Variants in TRIM15 observed in about 807,000 individuals in gnomAD.
The protein encoded by TRIM15 is tripartite motif containing 15, also known as E3 ubiquitin-protein ligase TRIM15.
A neutral mutation model predicts 35.8 loss-of-function variants in TRIM15; 35 were observed. That is an observed-to-expected ratio of 0.98 (90% CI 0.75 to 1.30). The LOEUF is 1.30. TRIM15 is among the 50% of genes most tolerant of loss of function. The pLI is 0.00. For synonymous variants in TRIM15, 252 were observed against 249.8 expected (o/e 1.01, Z -0.08); for missense variants, 590 against 593.5 (o/e 0.99, Z 0.06).
In TRIM15 at chr6:30,172,171, C is replaced by G. The variant is rs779780664; in HGVS notation, c.1220C>G (p.Pro407Arg). 5.1e-5 allele frequency: 81 copies of G among 1,602,478 alleles called. No individual in the cohort carries two copies. The highest frequency in any genetic ancestry group is 6.1e-5 in the Non-Finnish European group (72 of 1,175,144). ...AGCACCTCCCCGGGCACCGACCTGC[C>G]GCTGAGCGAGATCCCGCGCGGCGTG... ...WASTSPGTDL[P>R]LSEIPRGVRV... Residue 407 changes from proline to arginine, a missense_variant, in exon 7 of 7, where the codon CCG (proline) becomes CGG (arginine). Pro to Arg is a moderately radical substitution (Grantham distance 103). Coordinates refer to ENST00000376694, the MANE Select transcript of TRIM15 (RefSeq NM_033229.3).
chr6:30,164,089 G>A (rs1372023411), intron 1 of TRIM15, 24 bp downstream of exon 1: 1 of 1,593,864 alleles, frequency 6.3e-7, no homozygotes, highest in Admixed American at 1.7e-5. Flanking sequence ...CTTTACCTAG[G>A]GCCTGTTTGG....
At position 30,167,067 on chromosome 6, in the gene TRIM15, ACCTTTGAACCC is replaced by A. The variant is rs890959306; in HGVS notation, c.382-107_382-97del. The A allele has an allele frequency of 3.0e-4, 281 of 925,602 alleles. 19 individuals are homozygous for A. The highest frequency in any genetic ancestry group is 1.4e-3 in the East Asian group (58 of 40,960). 57.3% of individuals were successfully genotyped at this position (925,602 alleles called of 1,614,324 possible). A position where few individuals can be genotyped will look rare whatever the true frequency, so the allele number is the denominator to read the frequency against. On this transcript the variant is annotated intron_variant, in intron 1 of 6. Coordinates refer to ENST00000376694, the MANE Select transcript of TRIM15 (RefSeq NM_033229.3). ...TTAGGGCAAGGACTGGGCCTTTTCC[ACCTTTGAACCC>A]CTCAGCACTCAACAGTGTGCCCAGG...
At chr6:30,170,411 A>G (rs1169291738) in intron 4 of TRIM15, 90 bp from the exon 5 acceptor site, 1 of 747,484 alleles carries the variant, frequency 1.3e-6, no homozygotes, top group Non-Finnish European at 2.3e-6. Context: ...CGCCAAGATC[A>G]TTCTTTAGTC....
Position 30,172,423 on chromosome 6 carries a change from C to T in TRIM15, c.*74C>T. 3.9e-6 allele frequency: 6 copies of T among 1,525,330 alleles called. No homozygotes were observed. The highest frequency in any genetic ancestry group is 4.4e-6 in the Non-Finnish European group (5 of 1,141,746). The allele number at this position is 1,525,330 out of a possible 1,614,324, so 94.5% of individuals were successfully genotyped here. ...TCCAGCTCCGCCCCTGGCCAGTGTG[C>T]GGCCCGGGGGCTCCCTGTGCCCGCG... is the stretch of plus-strand genomic sequence containing the variant. On this transcript the variant is annotated 3_prime_UTR_variant, in exon 7 of 7. Coordinates refer to ENST00000376694, the MANE Select transcript of TRIM15 (RefSeq NM_033229.3).
intron 6 of TRIM15, among the ~76,000 whole-genome samples, chr6:30,171,622 T>C (rs1774021332): frequency 6.6e-6 from 1 of 152,178 alleles, no homozygotes; most frequent in Non-Finnish European, 1.5e-5. Context: ...ACCCAGGTGG[T>C]GGGGATGCTG....
Position 30,168,442 on chromosome 6 carries a change from C to T in TRIM15, c.620C>T (p.Thr207Ile), listed in dbSNP as rs1773768264. ...QIWKERDEYI[T>I]KVSEEVTRLG... Reference sequence around the variant, plus strand: ...TGGAAGGAGAGGGATGAATATATCACAAAGGTCTCTGAGGAAGTCACCCGG... The same window carrying T: ...TGGAAGGAGAGGGATGAATATATCATAAAGGTCTCTGAGGAAGTCACCCGG... The change falls in exon 3 of 7, where the codon ACA becomes ATA. Residue 207 changes from threonine (T) to isoleucine (I), a missense_variant. Transcript: ENST00000376694. The T allele has an allele frequency of 6.2e-7, 1 of 1,612,434 alleles. No individual in the cohort carries two copies. Among genetic ancestry groups the T allele is most frequent in the African/African-American group, 1.3e-5 (1 of 74,894 alleles).
rs1412559594 is a variant in TRIM15, at chr6:30,168,414, A to G, written c.592A>G (p.Ile198Val). ...LARLRELEQQ[I>V]WKERDEYITK... is the part of the protein sequence containing the mutation. ...CAGGCTGAGGGAGCTGGAGCAGCAG[A>G]TTTGGAAGGAGAGGGATGAATATAT... Residue 198 changes from isoleucine to valine, a missense_variant, in exon 3 of 7, where the codon ATT (isoleucine) becomes GTT (valine). By Grantham distance (29) the Ile-to-Val change is conservative. Coordinates refer to ENST00000376694, the MANE Select transcript of TRIM15 (RefSeq NM_033229.3). The G allele has an allele frequency of 6.2e-7, 1 of 1,612,950 alleles. No individual in the cohort carries two copies. The highest frequency in any genetic ancestry group is 8.5e-7 in the Non-Finnish European group (1 of 1,180,000).
chr6:30,165,587 G>A (rs1164553266), intron 1 of TRIM15, among the ~76,000 whole-genome samples: 1 of 152,142 alleles, frequency 6.6e-6, no homozygotes, highest in East Asian at 1.9e-4. Context: ...CTTTACAGTA[G>A]GATAATTTAT....
At chr6:30,164,729 C>T (rs976185895) in intron 1 of TRIM15, among the ~76,000 whole-genome samples, 10 of 152,188 alleles carry the variant, frequency 6.6e-5, no homozygotes, top group Non-Finnish European at 1.5e-4. Context: ...TTTCCTGTCT[C>T]CATTCTCACC....
In TRIM15 at chr6:30,163,690, C is replaced by G. The variant is rs777093256; in HGVS notation, c.6C>G (p.Pro2=). Residue 2 remains proline (P), a synonymous_variant, in exon 1 of 7, where the codon CCC becomes CCG. Transcript: ENST00000376694. M[P]ATPSLKVVHE... ...GGGCTGGGGAAGGCACCGTGATGCC[C>G]GCAACCCCGTCCCTGAAGGTGGTCC... The G allele has an allele frequency of 1.2e-5, 20 of 1,604,796 alleles. No individual in the cohort carries two copies. Among genetic ancestry groups the G allele is most frequent in the Non-Finnish European group, 1.6e-5 (19 of 1,175,244 alleles).
In TRIM15 at chr6:30,172,336, C is replaced by G. The variant is rs773878262; in HGVS notation, c.1385C>G (p.Thr462Arg). Residue 462 changes from threonine (T) to arginine (R), a missense_variant, in exon 7 of 7, where the codon ACG (threonine) becomes AGG (arginine). By Grantham distance (71) the Thr-to-Arg change is moderately conservative. Transcript: ENST00000376694. The part of the protein sequence containing the change: ...FAVWKKGSCL[T>R]LKG ...GTCTGGAAAAAAGGTTCCTGCCTTACGCTGAAAGGCTGAAGTGGGGCGCGC... is the reference window on the plus strand; with the variant it reads ...GTCTGGAAAAAAGGTTCCTGCCTTAGGCTGAAAGGCTGAAGTGGGGCGCGC... 1 of 1,605,410 alleles carries G rather than the reference C, an allele frequency of 6.2e-7. No individual in the cohort carries two copies. The highest frequency in any genetic ancestry group is 8.5e-7 in the Non-Finnish European group (1 of 1,175,962).
In TRIM15 at chr6:30,163,698, C is replaced by T; in HGVS notation, c.14C>T (p.Pro5Leu). Reference sequence around the variant, plus strand: ...GAAGGCACCGTGATGCCCGCAACCCCGTCCCTGAAGGTGGTCCATGAGCTG... The same window carrying T: ...GAAGGCACCGTGATGCCCGCAACCCTGTCCCTGAAGGTGGTCCATGAGCTG... MPATPSLKVVHELPA... is the reference protein window; with the variant it reads MPATLSLKVVHELPA... Residue 5 changes from proline (P) to leucine (L), a missense_variant, in exon 1 of 7, where the codon CCG (proline) becomes CTG (leucine). Transcript: ENST00000376694. The T allele has an allele frequency of 6.2e-7, 1 of 1,608,396 alleles. No homozygotes were observed. Among genetic ancestry groups the T allele is most frequent in the Non-Finnish European group, 8.5e-7 (1 of 1,177,064 alleles).
At chr6:30,170,838 C>T in intron 5 of TRIM15, 138 bp from the exon 6 acceptor site, 1 of 1,006,004 alleles carries the variant, frequency 9.9e-7, no homozygotes, top group Non-Finnish European at 1.5e-6. Context: ...GGTGAGGACC[C>T]TTCTCCTCCA....
intron 1 of TRIM15, 21 bp from the exon 2 acceptor site, chr6:30,167,155 C>T: frequency 3.1e-6 from 5 of 1,592,894 alleles, no homozygotes; most frequent in Non-Finnish European, 4.3e-6. Flanking sequence ...CACCTCTATC[C>T]ACCCATTCTT....
rs868443042 is a variant in TRIM15, at chr6:30,171,908, C to T, written c.957C>T (p.Thr319=). 6.2e-7 allele frequency: 1 copy of T among 1,600,912 alleles called. No homozygotes were observed. The highest frequency in any genetic ancestry group is 8.5e-7 in the Non-Finnish European group (1 of 1,174,040). The change falls in exon 7 of 7, where the codon ACC becomes ACT. Residue 319 remains threonine (T), a synonymous_variant. Coordinates refer to ENST00000376694, the MANE Select transcript of TRIM15 (RefSeq NM_033229.3). ...AAGACAGGAAGTCAGTGAGGTACAC[C>T]CGGCAGAAGAAGAGCCTGCCAGACA... is the stretch of plus-strand genomic sequence containing the variant. ...LSEDRKSVRY[T]RQKKSLPDSP...
At position 30,168,377 on chromosome 6, in the gene TRIM15, T is replaced by C; in HGVS notation, c.555T>C (p.Cys185=). 1 of 1,612,968 alleles carries C rather than the reference T, an allele frequency of 6.2e-7. No homozygotes were observed. Among genetic ancestry groups the C allele is most frequent in the Non-Finnish European group, 8.5e-7 (1 of 1,180,016 alleles). ...RLQQELEQQR[C]LLLARLRELE... The stretch of plus-strand genomic sequence containing the variant: ...AGCAGGAGCTGGAGCAGCAGCGATG[T>C]CTCCTGCTGGCCAGGCTGAGGGAGC... The change falls in exon 3 of 7, where the codon TGT becomes TGC. Residue 185 remains cysteine, a synonymous_variant. Transcript: ENST00000376694.
chr6:30,167,250 C>A lies in TRIM15; in HGVS notation c.456C>A (p.Asp152Glu). 6.2e-7 allele frequency: 1 copy of A among 1,612,986 alleles called. No homozygotes were observed. The highest frequency in any genetic ancestry group is 8.5e-7 in the Non-Finnish European group (1 of 1,179,940). The part of the protein sequence containing the change: ...DEIEDVKCQE[D>E]QKLQVLLTQI... ...TTGAGGATGTAAAGTGTCAAGAAGACCAGAAGCTTCAAGTGCTGCTGGTAC... is the reference window on the plus strand; with the variant it reads ...TTGAGGATGTAAAGTGTCAAGAAGAACAGAAGCTTCAAGTGCTGCTGGTAC... Residue 152 changes from aspartate (D) to glutamate (E), a missense_variant, in exon 2 of 7, where the codon GAC becomes GAA. By Grantham distance (45) the Asp-to-Glu change is conservative (BLOSUM62 2). Coordinates refer to ENST00000376694, the MANE Select transcript of TRIM15 (RefSeq NM_033229.3).
intron 1 of TRIM15, 72 bp from the exon 2 acceptor site, chr6:30,167,104 A>G: frequency 2.2e-6 from 3 of 1,367,756 alleles, no homozygotes; most frequent in Non-Finnish European, 3.1e-6. Context: ...TGTGCCCAGG[A>G]TGTGATAGTT....
Position 30,167,264 on chromosome 6 carries a change from T to C in TRIM15, c.470T>C (p.Val157Ala). ...TGTCAAGAAGACCAGAAGCTTCAAG[T>C]GCTGCTGGTACAGGCCACGTCACTG... Reference protein sequence around the residue: ...VKCQEDQKLQVLLTQIESKKH... With the variant: ...VKCQEDQKLQALLTQIESKKH... The change falls in exon 2 of 7, where the codon GTG (valine) becomes GCG (alanine). Residue 157 changes from valine to alanine, a missense_variant. Val to Ala is a moderately conservative substitution (Grantham distance 64). Transcript: ENST00000376694. 1 of 1,612,168 alleles carries C rather than the reference T, an allele frequency of 6.2e-7. No homozygotes were observed. Among genetic ancestry groups the C allele is most frequent in the Non-Finnish European group, 8.5e-7 (1 of 1,179,162 alleles).
Sources: allele counts gnomAD v4.1 joint callset (sites outside exome capture counted in the v4.1 genomes callset), GRCh38; gene constraint gnomAD v4.1.1; transcripts MANE v1.5; gene names NCBI Gene and HGNC (gene_info 2026-07-23, HGNC 2026-07-21).